The following RAB3C variants were observed in gnomAD, a reference collection of about 807,000 sequenced individuals.
RAB3C encodes the protein ras-related protein Rab-3C.
Under a neutral mutation model 26.4 loss-of-function variants are expected in RAB3C, and 17 were observed. The observed-to-expected ratio is 0.64, with a 90% CI of 0.44 to 0.97. RAB3C has a LOEUF of 0.97. Among genes scored for constraint, RAB3C ranks in the 50% least tolerant of loss-of-function variants. RAB3C has a pLI of 0.00. For synonymous variants in RAB3C, 91 were observed against 95.9 expected, an observed-to-expected ratio of 0.95 and a Z score of 0.30; for missense variants, 242 against 281.9, an observed-to-expected ratio of 0.86 and a Z score of 1.01.
chr5:58,760,305 C>T (rs964705543), intron 3 of RAB3C, among the ~76,000 whole-genome samples: 2 of 152,078 alleles, frequency 1.3e-5, no homozygotes, highest in South Asian at 2.1e-4. Context: ...TATGAGCTCC[C>T]GGATGGAATG....
chr5:58,631,535 G>A lies in RAB3C; in HGVS notation c.252+13665G>A, dbSNP rs1168885102. Among the ~76,000 whole-genome samples, 4 of 152,304 alleles carry A rather than the reference G, an allele frequency of 2.6e-5. No individual in the cohort carries two copies. The East Asian group carries it at 7.7e-4, about 29-fold the overall frequency. On this transcript the variant is annotated intron_variant, in intron 2 of 4. Coordinates refer to ENST00000282878, the MANE Select transcript of RAB3C (RefSeq NM_138453.4). ...GGAATGAATGAGCTTTCAGCAACAA[G>A]TTAAATCATGGGTCATCTTCCCTGG... is the stretch of plus-strand genomic sequence containing the variant.
chr5:58,731,594 G>A (rs953143964), intron 3 of RAB3C, among the ~76,000 whole-genome samples: 1 of 152,120 alleles, frequency 6.6e-6, no homozygotes, highest in African/African-American at 2.4e-5. Flanking sequence ...GGAAGAGAGA[G>A]AACAAACATG....
chr5:58,582,931 T>G (rs1745930941), upstream of RAB3C: 3 of 759,208 alleles, frequency 4.0e-6, no homozygotes, highest in Non-Finnish European at 2.0e-6. Flanking sequence ...ATCGAGCCTG[T>G]TTAATGGTTT....
At chr5:58,725,782 A>G (rs1014007859) in intron 2 of RAB3C, among the ~76,000 whole-genome samples, 1 of 151,934 alleles carries the variant, frequency 6.6e-6, no homozygotes, top group African/African-American at 2.4e-5. Context: ...TAAATCTATT[A>G]AATTATTACA....
intron 2 of RAB3C, among the ~76,000 whole-genome samples, chr5:58,696,502 G>GC (rs1450555089): frequency 6.6e-6 from 1 of 152,190 alleles, no homozygotes. Context: ...AATAGTACCA[G>GC]CTCTTCTTTG....
chr5:58,844,063 C>T (rs944044540), intron 4 of RAB3C, among the ~76,000 whole-genome samples: 1 of 152,188 alleles, frequency 6.6e-6, no homozygotes, highest in Admixed American at 6.5e-5. Flanking sequence ...TATGGAGAAG[C>T]ACAGTGGAAT....
At chr5:58,788,014 G>A (rs1248892762) in intron 3 of RAB3C, among the ~76,000 whole-genome samples, 1 of 152,176 alleles carries the variant, frequency 6.6e-6, no homozygotes, top group South Asian at 2.1e-4. Flanking sequence ...AGAAATGCAG[G>A]TTGGAGGAAC....
At chr5:58,772,280 G>T (rs902424445) in intron 3 of RAB3C, among the ~76,000 whole-genome samples, 2 of 152,116 alleles carry the variant, frequency 1.3e-5, no homozygotes, top group Non-Finnish European at 2.9e-5. Flanking sequence ...CCAATGTAGT[G>T]CTTCAAGACT....
At position 58,742,002 on chromosome 5, in the gene RAB3C, T is replaced by TA. The variant is rs147522926; in HGVS notation, c.371+15897dup. 1,219 of 134,830 alleles carry TA rather than the reference T, an allele frequency of 9.0e-3. 5 individuals are homozygous for TA. The highest frequency in any genetic ancestry group is 0.014 in the South Asian group (57 of 4,180). The allele number at this position is 134,830 out of a possible 1,614,324, so 8.4% of individuals were successfully genotyped here. On this transcript the variant is annotated intron_variant, in intron 3 of 4. Coordinates refer to ENST00000282878, the MANE Select transcript of RAB3C (RefSeq NM_138453.4). ...CTGGACAACACAGCGAGACTCCGTCTAAAAAAAAAAAAAAAGGATAAGTTA... is the reference window on the plus strand; with the variant it reads ...CTGGACAACACAGCGAGACTCCGTCTAAAAAAAAAAAAAAAAGGATAAGTTA...
intron 2 of RAB3C, among the ~76,000 whole-genome samples, chr5:58,682,481 G>A (rs757540231): frequency 6.6e-6 from 1 of 151,938 alleles, no homozygotes. Context: ...TCAGGAGATC[G>A]AGACCACCCT....
intron 3 of RAB3C, among the ~76,000 whole-genome samples, chr5:58,762,094 T>C (rs1741808273): frequency 6.6e-6 from 1 of 152,148 alleles, no homozygotes; most frequent in South Asian, 2.1e-4. Flanking sequence ...TGTATTTTAT[T>C]TAACTCAGTT....
chr5:58,673,907 C>A (rs769735556), intron 2 of RAB3C, among the ~76,000 whole-genome samples: 7 of 152,122 alleles, frequency 4.6e-5, no homozygotes, highest in African/African-American at 7.2e-5. Flanking sequence ...AGCACCAGCA[C>A]ATGCACATAA....
At chr5:58,759,948 G>T (rs1259004968) in intron 3 of RAB3C, among the ~76,000 whole-genome samples, 2 of 152,134 alleles carry the variant, frequency 1.3e-5, no homozygotes, top group African/African-American at 4.8e-5. Flanking sequence ...TACTAAAAAT[G>T]AAACTAAAAA....
chr5:58,807,683 A>G (rs1056181981), intron 3 of RAB3C, among the ~76,000 whole-genome samples: 1 of 152,130 alleles, frequency 6.6e-6, no homozygotes, highest in African/African-American at 2.4e-5. Flanking sequence ...GGCAAAACAT[A>G]TGACCTTGTC....
intron 3 of RAB3C, among the ~76,000 whole-genome samples, chr5:58,767,018 G>A (rs1045073487): frequency 1.6e-5 from 1 of 64,040 alleles, no homozygotes; most frequent in African/African-American, 3.7e-5. Context: ...TATAGCCAGC[G>A]GGGGGGACTC....
intron 2 of RAB3C, among the ~76,000 whole-genome samples, chr5:58,660,994 A>G (rs1205981638): frequency 1.7e-5 from 2 of 116,904 alleles, no homozygotes; most frequent in African/African-American, 5.4e-5. Flanking sequence ...TCTCACACAG[A>G]GAGGTATGCA....
intron 2 of RAB3C, 111 bp from the exon 3 acceptor site, chr5:58,725,891 A>G: frequency 1.6e-6 from 1 of 611,102 alleles, no homozygotes; most frequent in East Asian, 2.9e-5. Context: ...ACAGCTATAC[A>G]CAACAAGTAC....
chr5:58,844,274 C>G (rs1198799287), intron 4 of RAB3C, among the ~76,000 whole-genome samples: 1 of 152,138 alleles, frequency 6.6e-6, no homozygotes, highest in Non-Finnish European at 1.5e-5. Context: ...ATAGACTGAC[C>G]ATTGCATAGT....
At chr5:58,771,607 T>C (rs1742031741) in intron 3 of RAB3C, among the ~76,000 whole-genome samples, 1 of 152,066 alleles carries the variant, frequency 6.6e-6, no homozygotes, top group African/African-American at 2.4e-5. Context: ...TTTTAGGACA[T>C]AGCAATAATT....
Sources: allele counts gnomAD v4.1 joint callset (sites outside exome capture counted in the v4.1 genomes callset), GRCh38; gene constraint gnomAD v4.1.1; transcripts MANE v1.5; gene names NCBI Gene and HGNC (gene_info 2026-07-23, HGNC 2026-07-21).